FLYWCH2: variants seen among roughly 807,000 people sequenced by gnomAD.
FLYWCH2 encodes FLYWCH family member 2.
Under a neutral mutation model 6.0 loss-of-function variants are expected in FLYWCH2, and 2 were observed. The observed-to-expected ratio is 0.33, with a 90% CI of 0.14 to 1.04. FLYWCH2 has a LOEUF of 1.04. Ranked by LOEUF, FLYWCH2 falls within the 50% of genes least tolerant of loss-of-function variation. The probability of loss-of-function intolerance (pLI) is 0.45; values close to 1 mark genes in which losing one functional copy is unlikely to be tolerated. For synonymous variants in FLYWCH2, 87 were observed against 79.3 expected (o/e 1.10, Z -0.52); for missense variants, 192 against 183.4 (o/e 1.05, Z -0.27).
At chr16:2,890,228 G>GTTTTTTTTTTTTT (rs200322274) in intron 1 of FLYWCH2, among the ~76,000 whole-genome samples, 1 of 139,956 alleles carries the variant, frequency 7.1e-6, no homozygotes, top group Non-Finnish European at 1.5e-5. Flanking sequence ...TTTTGTTTTT[G>GTTTTTTTTTTTTT]TTTTTTTTTT....
chr16:2,887,878 G>C (rs748253782), intron 1 of FLYWCH2, among the ~76,000 whole-genome samples: 9 of 151,894 alleles, frequency 5.9e-5, no homozygotes, highest in Non-Finnish European at 1.2e-4. Flanking sequence ...AACATTTGTC[G>C]TTAAGACTAT....
chr16:2,887,639 C>G (rs1305923709), intron 1 of FLYWCH2, among the ~76,000 whole-genome samples: 1 of 151,764 alleles, frequency 6.6e-6, no homozygotes, highest in Non-Finnish European at 1.5e-5. Context: ...AGCACAATCA[C>G]AGCTTACTGC....
At chr16:2,894,898 G>A (rs538040606) in intron 1 of FLYWCH2, among the ~76,000 whole-genome samples, 5 of 152,300 alleles carry the variant, frequency 3.3e-5, no homozygotes. Flanking sequence ...GACGCATTGG[G>A]AGGGGTCCAA....
intron 1 of FLYWCH2, 30 bp downstream of exon 1, chr16:2,883,396 G>A (rs988833073): frequency 2.6e-5 from 4 of 152,258 alleles, no homozygotes; most frequent in Non-Finnish European, 5.9e-5. Flanking sequence ...GGCGGGGAGG[G>A]TCCTGCGTCC....
intron 2 of FLYWCH2, 25 bp from the exon 3 acceptor site, chr16:2,896,327 G>C: frequency 7.7e-7 from 1 of 1,291,812 alleles, no homozygotes; most frequent in Non-Finnish European, 1.0e-6. Flanking sequence ...TTCCACCACT[G>C]ACGGGATTTT....
Position 2,894,413 on chromosome 16 carries a change from G to A in FLYWCH2, c.-199-807G>A, listed in dbSNP as rs568304676. 3.9e-5 allele frequency among the ~76,000 whole-genome samples: 6 copies of A among 152,296 alleles called. No homozygotes were observed. In the South Asian group the frequency reaches 8.3e-4, roughly 21 times the overall value. ...ACTCATGCTGCGGAGTGTGGGAGGC[G>A]TGGGGAGATCGGCCGCCAGAGGGAC... is the stretch of plus-strand genomic sequence containing the variant. On this transcript the variant is annotated intron_variant, in intron 1 of 3. Coordinates refer to ENST00000396958, the MANE Select transcript of FLYWCH2 (RefSeq NM_138439.3).
At chr16:2,885,386 A>C (rs890996362) in intron 1 of FLYWCH2, among the ~76,000 whole-genome samples, 1 of 152,006 alleles carries the variant, frequency 6.6e-6, no homozygotes, top group Non-Finnish European at 1.5e-5. Context: ...AAAGTTGTGC[A>C]ACCCTCATGA....
intron 3 of FLYWCH2, among the ~76,000 whole-genome samples, chr16:2,897,802 G>A (rs927993796): frequency 6.6e-6 from 1 of 152,224 alleles, no homozygotes; most frequent in African/African-American, 2.4e-5. Context: ...AAATGGGCTG[G>A]GTACACCTTT....
chr16:2,898,949 A>G, intron 3 of FLYWCH2, 100 bp from the exon 4 acceptor site: 1 of 859,336 alleles, frequency 1.2e-6, no homozygotes, highest in South Asian at 1.8e-5. Context: ...TGGAGCATCC[A>G]CTGGTTGGGG....
intron 1 of FLYWCH2, among the ~76,000 whole-genome samples, chr16:2,892,913 TATTA>T (rs2069775001): frequency 1.4e-5 from 2 of 144,204 alleles, no homozygotes; most frequent in African/African-American, 2.7e-5. Flanking sequence ...ATATAATATA[TATTA>T]TATATGTCAT....
At chr16:2,894,473 G>T (rs552965292) in intron 1 of FLYWCH2, among the ~76,000 whole-genome samples, 1 of 152,284 alleles carries the variant, frequency 6.6e-6, no homozygotes, top group East Asian at 1.9e-4. Flanking sequence ...GAAGCAGGGC[G>T]CTATGTGGTT....
At chr16:2,891,393 A>G (rs2015260) in intron 1 of FLYWCH2, among the ~76,000 whole-genome samples, 4,576 of 151,762 alleles carry the variant, frequency 0.03, 215 homozygotes, top group African/African-American at 0.1. Flanking sequence ...CTCTCTCTCT[A>G]TTTTATTTTT....
Position 2,886,791 on chromosome 16 carries a change from G to C in FLYWCH2, c.-200+3425G>C, listed in dbSNP as rs1215110169. On this transcript the variant is annotated intron_variant, in intron 1 of 3. Transcript: ENST00000396958. The stretch of plus-strand genomic sequence containing the variant: ...CTGCCTCGGCCTCCCAAAGTGCTGG[G>C]ATTACAGGTGTGAGCCACCATGCCC... 7.9e-5 allele frequency among the ~76,000 whole-genome samples: 12 copies of C among 152,218 alleles called. No individual in the cohort carries two copies. In the East Asian group the frequency reaches 2.3e-3, roughly 29 times the overall value.
At chr16:2,894,586 G>A (rs75802688) in intron 1 of FLYWCH2, among the ~76,000 whole-genome samples, 15,859 of 152,310 alleles carry the variant, frequency 0.1, 927 homozygotes, top group African/African-American at 0.15. Context: ...GGGCCGCACG[G>A]GAGGAACAGG....
chr16:2,885,725 GATATTTGGGCTGTTTTGA>G (rs2069691391), intron 1 of FLYWCH2, among the ~76,000 whole-genome samples: 1 of 152,120 alleles, frequency 6.6e-6, no homozygotes, highest in South Asian at 2.1e-4. Flanking sequence ...TCCATTGATG[GATATTTGGGCTGTTTTGA>G]ATATCCATCG....
chr16:2,899,107 G>A lies in FLYWCH2; in HGVS notation c.381G>A (p.Glu127=), dbSNP rs759007390. 1 of 1,613,780 alleles carries A rather than the reference G, an allele frequency of 6.2e-7. No homozygotes were observed. The highest frequency in any genetic ancestry group is 2.2e-5 in the East Asian group (1 of 44,834). ...CGGGGCCTCCTGAGGCTGCTGGGGAGAACTTTGCCCCCTGCTCTGTGGCGC... is the reference window on the plus strand; with the variant it reads ...CGGGGCCTCCTGAGGCTGCTGGGGAAAACTTTGCCCCCTGCTCTGTGGCGC... The part of the protein sequence containing the change: ...LAAGPPEAAG[E]NFAPCSVAPG... The change falls in exon 4 of 4, where the codon GAG becomes GAA. Residue 127 remains glutamate (E), a synonymous_variant. Coordinates refer to ENST00000396958, the MANE Select transcript of FLYWCH2 (RefSeq NM_138439.3).
chr16:2,896,174 T>A (rs12931860), intron 2 of FLYWCH2, among the ~76,000 whole-genome samples, 178 bp from the exon 3 acceptor site: 82,928 of 151,942 alleles, frequency 0.55, 23,269 homozygotes, highest in African/African-American at 0.63. Context: ...GGGCTGACGT[T>A]CCCAAGGCTG....
intron 3 of FLYWCH2, among the ~76,000 whole-genome samples, chr16:2,898,336 G>A (rs1326180783): frequency 1.3e-5 from 2 of 152,122 alleles, no homozygotes; most frequent in African/African-American, 2.4e-5. Flanking sequence ...CTCTTACTGC[G>A]AAGCCCCCAC....
At chr16:2,894,056 G>T (rs2069789909) in intron 1 of FLYWCH2, among the ~76,000 whole-genome samples, 1 of 152,060 alleles carries the variant, frequency 6.6e-6, no homozygotes, top group Non-Finnish European at 1.5e-5. Context: ...TTGCGGTTTT[G>T]TCATTGAAAG....
Sources: gnomAD v4.1 joint callset for allele counts (sites outside exome capture counted in the v4.1 genomes callset) on GRCh38, gnomAD v4.1.1 for gene constraint, MANE v1.5 for transcripts, NCBI Gene and HGNC (gene_info 2026-07-23, HGNC 2026-07-21) for gene names.